The following CSMD3 variants were observed in gnomAD, a reference collection of about 807,000 sequenced individuals.
CSMD3 encodes CUB and Sushi multiple domains 3.
A neutral mutation model predicts 435.2 loss-of-function variants in CSMD3; 177 were observed. The observed-to-expected ratio is 0.41, with a 90% CI of 0.36 to 0.46. The LOEUF is 0.46. CSMD3 is among the 20% of genes least tolerant of loss of function. CSMD3 has a pLI of 0.34. For missense variants in CSMD3, 4,265 were observed against 4,504.6 expected (o/e 0.95, Z 1.52); for synonymous variants, 1,656 against 1,520.5 (o/e 1.09, Z -2.07).
At chr8:113,307,281 T>C (rs893761845) in intron 2 of CSMD3, among the ~76,000 whole-genome samples, 11 of 152,114 alleles carry the variant, frequency 7.2e-5, no homozygotes, top group Non-Finnish European at 1.3e-4. Context: ...CTAGGACACA[T>C]AATTTATTAA....
chr8:112,586,403 A>T (rs1284000926), intron 23 of CSMD3, among the ~76,000 whole-genome samples: 3 of 151,558 alleles, frequency 2.0e-5, no homozygotes, highest in Non-Finnish European at 3.0e-5. Context: ...CAAAATATTT[A>T]TATTCAAAAT....
rs746411459 is a variant in CSMD3, at chr8:112,506,816, G to T, written c.4770C>A (p.Gly1590=). The part of the protein sequence containing the change: ...SPPVCIAPCG[G]NLTGSSGFIL... ...TAAAGCCTGAAGATCCTGTTAAATT[G>T]CCTCCACAGGGTGCTTTAATTTAAA... Residue 1590 remains glycine (G), a synonymous_variant, in exon 29 of 71, where the codon GGC becomes GGA. Coordinates refer to ENST00000297405, the MANE Select transcript of CSMD3 (RefSeq NM_198123.2). 1.2e-6 allele frequency: 2 copies of T among 1,612,738 alleles called. No homozygotes were observed. Among genetic ancestry groups the T allele is most frequent in the African/African-American group, 1.3e-5 (1 of 74,828 alleles).
intron 38 of CSMD3, among the ~76,000 whole-genome samples, chr8:112,375,227 C>G (rs7821683): frequency 0.81 from 123,720 of 152,090 alleles, 50,911 homozygotes; most frequent in African/African-American, 0.93. Flanking sequence ...CACAAATACA[C>G]TACAGGGAAA....
chr8:112,300,997 A>G (rs1200311176), intron 53 of CSMD3, among the ~76,000 whole-genome samples: 1 of 152,130 alleles, frequency 6.6e-6, no homozygotes, highest in Non-Finnish European at 1.5e-5. Flanking sequence ...TCGTAAACAA[A>G]AAGATCTTGC....
At chr8:113,216,352 T>G (rs1025570723) in intron 3 of CSMD3, among the ~76,000 whole-genome samples, 1 of 151,886 alleles carries the variant, frequency 6.6e-6, no homozygotes, top group African/African-American at 2.4e-5. Flanking sequence ...GTGTTTATTT[T>G]CATATGGGCA....
At chr8:112,764,172 G>A (rs2077917222) in intron 13 of CSMD3, among the ~76,000 whole-genome samples, 1 of 151,432 alleles carries the variant, frequency 6.6e-6, no homozygotes, top group Non-Finnish European at 1.5e-5. Flanking sequence ...ATGTCTTTTA[G>A]AAATACATCC....
chr8:112,731,526 A>G (rs1431983762), intron 13 of CSMD3, among the ~76,000 whole-genome samples: 1 of 152,106 alleles, frequency 6.6e-6, no homozygotes, highest in Non-Finnish European at 1.5e-5. Context: ...TAACTTTTAA[A>G]TGTTCTTCTT....
At chr8:112,631,003 G>GAA (rs5894092) in intron 22 of CSMD3, among the ~76,000 whole-genome samples, 1 of 149,328 alleles carries the variant, frequency 6.7e-6, no homozygotes, top group Non-Finnish European at 1.5e-5. Flanking sequence ...AGTCTCTTTT[G>GAA]AAAAACATGA....
intron 6 of CSMD3, among the ~76,000 whole-genome samples, chr8:113,015,475 G>A (rs2086420830): frequency 6.6e-6 from 1 of 151,844 alleles, no homozygotes; most frequent in African/African-American, 2.4e-5. Context: ...TGATTAAAAT[G>A]TAAGGAATTT....
chr8:112,522,360 T>A (rs1824383029), intron 27 of CSMD3, among the ~76,000 whole-genome samples: 1 of 151,938 alleles, frequency 6.6e-6, no homozygotes, highest in South Asian at 2.1e-4. Context: ...TATGCTTATC[T>A]GAGAAAGCAT....
At chr8:113,412,067 A>G (rs2094562161) in intron 1 of CSMD3, among the ~76,000 whole-genome samples, 2 of 152,110 alleles carry the variant, frequency 1.3e-5, no homozygotes, top group Admixed American at 1.3e-4. Flanking sequence ...TGTCGCTATC[A>G]TGATTAAATG....
At chr8:112,360,061 A>G (rs752480708) in intron 38 of CSMD3, among the ~76,000 whole-genome samples, 3 of 152,076 alleles carry the variant, frequency 2.0e-5, no homozygotes, top group Non-Finnish European at 4.4e-5. Context: ...AAACTACCGA[A>G]TACAAAAATA....
At chr8:113,132,997 A>G (rs2091322642) in intron 4 of CSMD3, among the ~76,000 whole-genome samples, 1 of 152,158 alleles carries the variant, frequency 6.6e-6, no homozygotes, top group South Asian at 2.1e-4. Context: ...TGATGGATAA[A>G]GTTTTCACAG....
intron 40 of CSMD3, among the ~76,000 whole-genome samples, chr8:112,347,153 C>T (rs181997150): frequency 3.7e-4 from 56 of 152,216 alleles, no homozygotes; most frequent in Middle Eastern, 6.8e-3. Context: ...GTCTTGGAAT[C>T]CCTATTATAC....
intron 16 of CSMD3, 75 bp from the exon 17 acceptor site, chr8:112,666,490 T>A (rs2131709061): frequency 7.4e-7 from 1 of 1,342,506 alleles, no homozygotes; most frequent in Admixed American, 1.9e-5. Context: ...ATACAAACAA[T>A]TTCAAAAACA....
At chr8:112,892,959 T>G (rs1278671590) in intron 10 of CSMD3, among the ~76,000 whole-genome samples, 1 of 151,464 alleles carries the variant, frequency 6.6e-6, no homozygotes, top group East Asian at 2.0e-4. Context: ...AGCAATTGTT[T>G]GTTGAATAAA....
intron 5 of CSMD3, among the ~76,000 whole-genome samples, chr8:113,086,428 A>G (rs1295728020): frequency 1.3e-5 from 2 of 152,194 alleles, no homozygotes; most frequent in Non-Finnish European, 2.9e-5. Flanking sequence ...GTAGGAAGTC[A>G]CCAATAAATT....
intron 1 of CSMD3, among the ~76,000 whole-genome samples, chr8:113,423,345 T>C (rs1043928922): frequency 5.9e-5 from 9 of 152,188 alleles, no homozygotes; most frequent in Non-Finnish European, 1.2e-4. Flanking sequence ...GTACCTCTTA[T>C]AGATAGCTTC....
intron 32 of CSMD3, among the ~76,000 whole-genome samples, chr8:112,426,312 C>A (rs745656353): frequency 2.6e-5 from 4 of 151,706 alleles, no homozygotes; most frequent in Non-Finnish European, 5.9e-5. Flanking sequence ...GATTGTGAAC[C>A]TTCTATATTT....
Sources: allele counts gnomAD v4.1 joint callset (sites outside exome capture counted in the v4.1 genomes callset), GRCh38; gene constraint gnomAD v4.1.1; transcripts MANE v1.5; gene names NCBI Gene and HGNC (gene_info 2026-07-23, HGNC 2026-07-21).